The following NPRL3 variants were observed in gnomAD, a reference collection of about 807,000 sequenced individuals.
NPRL3 encodes NPR3 like, GATOR1 complex subunit, also known as GATOR1 complex protein NPRL3.
Under a neutral mutation model 57.2 loss-of-function variants are expected in NPRL3, and 23 were observed. The observed-to-expected ratio is 0.40, with a 90% CI of 0.29 to 0.57. The LOEUF is 0.57. Ranked by LOEUF, NPRL3 falls within the 20% of genes least tolerant of loss-of-function variation. The pLI, the probability that NPRL3 is intolerant of heterozygous loss-of-function variation, is 0.42. For synonymous variants in NPRL3, 333 were observed against 321.1 expected (o/e 1.04, Z -0.39); for missense variants, 691 against 767.1 (o/e 0.90, Z 1.17).
chr16:101,816 C>T (rs1044319807), intron 7 of NPRL3, among the ~76,000 whole-genome samples: 13 of 152,318 alleles, frequency 8.5e-5, no homozygotes, highest in East Asian at 7.7e-4. Flanking sequence ...TCTCTGCAGA[C>T]GCCCCAAGGC....
chr16:104,900 G>A (rs1257894584), intron 7 of NPRL3, among the ~76,000 whole-genome samples: 2 of 152,298 alleles, frequency 1.3e-5, no homozygotes, highest in South Asian at 2.1e-4. Flanking sequence ...CTGCACTGAG[G>A]TCTGTTAACA....
chr16:95,254 T>C (rs1183691668), intron 9 of NPRL3, among the ~76,000 whole-genome samples: 1 of 151,392 alleles, frequency 6.6e-6, no homozygotes, highest in Non-Finnish European at 1.5e-5. Context: ...TGGGGGCCAT[T>C]ATTCAGCCAA....
intron 11 of NPRL3, among the ~76,000 whole-genome samples, chr16:92,230 A>C (rs2141906890): frequency 6.6e-6 from 1 of 152,226 alleles, no homozygotes; most frequent in South Asian, 2.1e-4. Flanking sequence ...CTGCCTTTGC[A>C]CCCTCATCTG....
In NPRL3 at chr16:119,213, A is replaced by C. The variant is rs773712535; in HGVS notation, c.231T>G (p.Ser77=). 6.2e-7 allele frequency: 1 copy of C among 1,611,546 alleles called. No homozygotes were observed. Among genetic ancestry groups the C allele is most frequent in the South Asian group, 1.1e-5 (1 of 90,568 alleles). ...VILATILATK[S]EMCGQKFELK... is the part of the protein sequence containing the mutation. ...GTTCAAATTTTTGGCCACACATTTC[A>C]GACTTGGTTGCCAAAATTGTTGCCA... The change falls in exon 4 of 14, where the codon TCT becomes TCG. Residue 77 remains serine (S), a synonymous_variant. Transcript: ENST00000611875.
At chr16:135,558 A>G (rs1901032811) in intron 2 of NPRL3, among the ~76,000 whole-genome samples, 1 of 150,654 alleles carries the variant, frequency 6.6e-6, no homozygotes, top group South Asian at 2.1e-4. Flanking sequence ...GCAGTGAGCC[A>G]AGATCAGGCC....
chr16:112,573 G>C, intron 6 of NPRL3, 49 bp downstream of exon 6: 1 of 1,441,730 alleles, frequency 6.9e-7, no homozygotes, highest in Non-Finnish European at 9.2e-7. Flanking sequence ...GCTGCAGAGA[G>C]GCCACCAGCC....
intron 8 of NPRL3, among the ~76,000 whole-genome samples, chr16:100,074 G>A (rs1222727674): frequency 6.6e-6 from 1 of 151,466 alleles, no homozygotes; most frequent in Non-Finnish European, 1.5e-5. Flanking sequence ...TTAAGATGAA[G>A]TCCCTCCAGC....
Position 85,727 on chromosome 16 carries a change from C to T in NPRL3, c.*978G>A, listed in dbSNP as rs1488261398. 6.6e-7 allele frequency: 1 copy of T among 1,526,380 alleles called. No individual in the cohort carries two copies. Among genetic ancestry groups the T allele is most frequent in the Non-Finnish European group, 8.8e-7 (1 of 1,134,816 alleles). 94.6% of individuals were successfully genotyped at this position (1,526,380 alleles called of 1,614,324 possible). ...CCTCCGCTTCTATGTCCGGGGCAGC[C>T]CCTGGGTCAGTGTGGTCGACAGAGT... On this transcript the variant is annotated 3_prime_UTR_variant, in exon 14 of 14. Coordinates refer to ENST00000611875, the MANE Select transcript of NPRL3 (RefSeq NM_001077350.3).
At chr16:101,822 A>G (rs1168648320) in intron 7 of NPRL3, among the ~76,000 whole-genome samples, 1 of 152,102 alleles carries the variant, frequency 6.6e-6, no homozygotes, top group Admixed American at 6.5e-5. Flanking sequence ...CAGACGCCCC[A>G]AGGCTCCTTT....
intron 3 of NPRL3, among the ~76,000 whole-genome samples, chr16:120,639 T>C (rs2141963046): frequency 6.6e-6 from 1 of 152,222 alleles, no homozygotes; most frequent in African/African-American, 2.4e-5. Context: ...ATTTGTGCCA[T>C]TTGGAAATAG....
At position 115,091 on chromosome 16, in the gene NPRL3, C is replaced by T. The variant is rs968003446; in HGVS notation, c.393+2210G>A. On this transcript the variant is annotated intron_variant, in intron 5 of 13. Transcript: ENST00000611875. Reference sequence around the variant, plus strand: ...CCAGGCTCAGGTGATCCTCCCACCTCAGCCTCCCAGGTAGCTGGGACTACA... The same window carrying T: ...CCAGGCTCAGGTGATCCTCCCACCTTAGCCTCCCAGGTAGCTGGGACTACA... Among the ~76,000 whole-genome samples the T allele has an allele frequency of 7.9e-5, 12 of 152,028 alleles. No homozygotes were observed. In the South Asian group the frequency reaches 1.9e-3, roughly 24 times the overall value.
intron 5 of NPRL3, 127 bp downstream of exon 5, chr16:117,174 C>A: frequency 1.6e-6 from 1 of 629,878 alleles, no homozygotes; most frequent in South Asian, 2.1e-5. Context: ...TGCAGTCTGC[C>A]TGCACCCCAG....
intron 3 of NPRL3, 27 bp downstream of exon 3, chr16:130,495 G>A (rs368154976): frequency 6.2e-5 from 95 of 1,544,672 alleles, no homozygotes; most frequent in African/African-American, 5.7e-4. Context: ...GACACGCCCC[G>A]CCCTGAAGTG....
intron 2 of NPRL3, among the ~76,000 whole-genome samples, chr16:137,438 T>C (rs1901151361): frequency 6.6e-6 from 1 of 152,172 alleles, no homozygotes; most frequent in African/African-American, 2.4e-5. Flanking sequence ...TCCCTTTTCC[T>C]GTGGATAGAT....
At chr16:121,112 C>G (rs1013824637) in intron 3 of NPRL3, among the ~76,000 whole-genome samples, 1 of 152,216 alleles carries the variant, frequency 6.6e-6, no homozygotes, top group Non-Finnish European at 1.5e-5. Flanking sequence ...ACAGCCATGT[C>G]TCAGCCTCAG....
intron 2 of NPRL3, among the ~76,000 whole-genome samples, chr16:133,477 G>T (rs534881113): frequency 1.3e-5 from 2 of 151,704 alleles, no homozygotes; most frequent in African/African-American, 4.8e-5. Flanking sequence ...TGATCCGCCC[G>T]CCTCGGCTTC....
At chr16:114,783 T>C (rs1171735867) in intron 5 of NPRL3, among the ~76,000 whole-genome samples, 2 of 152,140 alleles carry the variant, frequency 1.3e-5, no homozygotes, top group Non-Finnish European at 1.5e-5. Flanking sequence ...TAAGTGCCCA[T>C]ATTTTATACA....
chr16:104,086 A>T (rs959083916), intron 7 of NPRL3, among the ~76,000 whole-genome samples: 1 of 151,008 alleles, frequency 6.6e-6, no homozygotes, highest in African/African-American at 2.4e-5. Flanking sequence ...AGATCGTGCC[A>T]TTGCACTCCA....
At chr16:127,780 A>G (rs888389493) in intron 3 of NPRL3, among the ~76,000 whole-genome samples, 30 of 148,474 alleles carry the variant, frequency 2.0e-4, no homozygotes, top group Non-Finnish European at 3.4e-4. Context: ...TCAGCCTCCC[A>G]AGTAGCTGGG....
Sources: allele counts gnomAD v4.1 joint callset (sites outside exome capture counted in the v4.1 genomes callset), GRCh38; gene constraint gnomAD v4.1.1; transcripts MANE v1.5; gene names NCBI Gene and HGNC (gene_info 2026-07-23, HGNC 2026-07-21).